The following SDK1 variants were observed in gnomAD, a reference collection of about 807,000 sequenced individuals.
SDK1 encodes sidekick cell adhesion molecule 1.
In SDK1, 157 loss-of-function variants were observed where a neutral mutation model predicts 245.5. The ratio of observed to expected loss-of-function variants is 0.64; its 90% CI spans 0.56 to 0.73. SDK1 has a LOEUF of 0.73. SDK1 is among the 30% of genes least tolerant of loss of function. The probability of loss-of-function intolerance (pLI) is 0.00; values close to 1 mark genes in which losing one functional copy is unlikely to be tolerated. For synonymous variants in SDK1, 1,647 were observed against 1,278.5 expected (o/e 1.29, Z -6.15); for missense variants, 3,583 against 3,002.3 (o/e 1.19, Z -4.52).
At chr7:4,083,355 C>A (rs1298757359) in intron 22 of SDK1, among the ~76,000 whole-genome samples, 1 of 152,080 alleles carries the variant, frequency 6.6e-6, no homozygotes, top group Non-Finnish European at 1.5e-5. Flanking sequence ...CCACTCTTTT[C>A]CCCCATGCAG....
At chr7:3,609,705 A>T (rs879686692) in intron 1 of SDK1, among the ~76,000 whole-genome samples, 1 of 72,636 alleles carries the variant, frequency 1.4e-5, no homozygotes. Context: ...CAGCCTCCCC[A>T]CCCCCCGCCA....
At chr7:4,089,521 CG>C (rs1781656730) in intron 22 of SDK1, among the ~76,000 whole-genome samples, 1 of 152,192 alleles carries the variant, frequency 6.6e-6, no homozygotes, top group East Asian at 1.9e-4. Flanking sequence ...GAAGAATGAA[CG>C]GGGCAAGCTT....
intron 5 of SDK1, among the ~76,000 whole-genome samples, chr7:3,828,487 T>A (rs1347240220): frequency 6.6e-6 from 1 of 151,940 alleles, no homozygotes; most frequent in Non-Finnish European, 1.5e-5. Context: ...TTTCTAGTTT[T>A]TTAAAATATA....
intron 4 of SDK1, among the ~76,000 whole-genome samples, chr7:3,706,488 G>A (rs961337006): frequency 3.3e-5 from 5 of 152,070 alleles, no homozygotes; most frequent in South Asian, 2.1e-4. Flanking sequence ...TACAAGCTCC[G>A]CCTCCTGGGT....
At chr7:4,208,951 C>T (rs900788164) in intron 37 of SDK1, among the ~76,000 whole-genome samples, 3 of 152,236 alleles carry the variant, frequency 2.0e-5, no homozygotes, top group African/African-American at 4.8e-5. Context: ...CTCTCCAAGG[C>T]CCTCTGTAGG....
intron 1 of SDK1, among the ~76,000 whole-genome samples, chr7:3,316,039 A>G (rs767626360): frequency 1.3e-5 from 2 of 152,202 alleles, no homozygotes; most frequent in Non-Finnish European, 2.9e-5. Flanking sequence ...AATTCTCCCC[A>G]CAACTCTAAT....
intron 4 of SDK1, among the ~76,000 whole-genome samples, chr7:3,733,613 A>C (rs1779240231): frequency 6.6e-6 from 1 of 152,124 alleles, no homozygotes; most frequent in South Asian, 2.1e-4. Context: ...CGAGTTCCAA[A>C]AGCTATGTCT....
chr7:3,713,877 C>T (rs1398933596), intron 4 of SDK1, among the ~76,000 whole-genome samples: 1 of 152,124 alleles, frequency 6.6e-6, no homozygotes. Flanking sequence ...AAAAACAAAA[C>T]CGAGAGTCAG....
intron 1 of SDK1, among the ~76,000 whole-genome samples, chr7:3,434,150 T>C (rs2128585559): frequency 1.3e-5 from 2 of 152,284 alleles, no homozygotes; most frequent in Middle Eastern, 6.8e-3. Flanking sequence ...TATTTTGTGA[T>C]GATTTTTTTT....
At chr7:3,580,854 G>C (rs1780456576) in intron 1 of SDK1, among the ~76,000 whole-genome samples, 1 of 151,070 alleles carries the variant, frequency 6.6e-6, no homozygotes, top group African/African-American at 2.4e-5. Flanking sequence ...TGTAGTCCCA[G>C]CTACTCGGGA....
chr7:4,176,524 T>G (rs576643052), intron 34 of SDK1, among the ~76,000 whole-genome samples: 25 of 152,302 alleles, frequency 1.6e-4, no homozygotes, highest in Non-Finnish European at 2.9e-4. Flanking sequence ...TTCTTAACCA[T>G]TTTTAGGTGT....
intron 1 of SDK1, among the ~76,000 whole-genome samples, chr7:3,536,996 A>G (rs911145231): frequency 1.3e-5 from 2 of 152,112 alleles, no homozygotes; most frequent in African/African-American, 2.4e-5. Flanking sequence ...TTTTTAATTG[A>G]AGTATAATTT....
Position 3,485,683 on chromosome 7 carries a change from G to GTTTTTTTTTTTTTTTTTTTTTTTTTTTT in SDK1, c.299-133375_299-133374insTTTTTTTTTTTTTTTTTTTTTTTTTTTT, listed in dbSNP as rs71552309. On this transcript the variant is annotated intron_variant, in intron 1 of 44. Transcript: ENST00000404826. ...GTGCTGAGGGGATGATCTTTGGAGGGTTTTTTTTTTTTTTTTTTTTTTGAG... is the reference window on the plus strand; with the variant it reads ...GTGCTGAGGGGATGATCTTTGGAGGGTTTTTTTTTTTTTTTTTTTTTTTTTTTTTTTTTTTTTTTTTTTTTTTTTTGAG... Among the ~76,000 whole-genome samples the GTTTTTTTTTTTTTTTTTTTTTTTTTTTT allele has an allele frequency of 3.1e-4, 12 of 38,174 alleles. 3 individuals are homozygous for GTTTTTTTTTTTTTTTTTTTTTTTTTTTT. The highest frequency in any genetic ancestry group is 4.6e-4 in the Admixed American group (1 of 2,176). The allele number at this position is 38,174 out of a possible 152,430, so 25.0% of individuals were successfully genotyped here. A position where few individuals can be genotyped will look rare whatever the true frequency, so the allele number is the denominator to read the frequency against.
chr7:4,178,336 G>A, intron 34 of SDK1, 149 bp from the exon 35 acceptor site: 1 of 682,718 alleles, frequency 1.5e-6, no homozygotes, highest in Non-Finnish European at 2.6e-6. Context: ...CCCGGTCACA[G>A]TGGATGCAGG....
chr7:3,792,230 C>A (rs1781118371), intron 4 of SDK1, among the ~76,000 whole-genome samples: 1 of 152,122 alleles, frequency 6.6e-6, no homozygotes, highest in Admixed American at 6.6e-5. Context: ...CACTTCCATG[C>A]CCTAAAATGT....
chr7:3,856,648 A>AG (rs1780554463), intron 5 of SDK1, among the ~76,000 whole-genome samples: 1 of 151,646 alleles, frequency 6.6e-6, no homozygotes, highest in Non-Finnish European at 1.5e-5. Context: ...AAAATTAGCC[A>AG]GGCATGGTGG....
At chr7:4,069,324 A>G (rs10485859) in intron 20 of SDK1, among the ~76,000 whole-genome samples, 11,748 of 152,220 alleles carry the variant, frequency 0.077, 1,026 homozygotes, top group African/African-American at 0.21. Context: ...AAACATTACC[A>G]AGGATTTCTA....
At chr7:3,749,649 A>G (rs1333833898) in intron 4 of SDK1, among the ~76,000 whole-genome samples, 1 of 152,202 alleles carries the variant, frequency 6.6e-6, no homozygotes, top group African/African-American at 2.4e-5. Flanking sequence ...GTTCTGATAC[A>G]AGGATAGAAG....
At chr7:4,013,885 C>T (rs1196888083) in intron 16 of SDK1, among the ~76,000 whole-genome samples, 1 of 152,242 alleles carries the variant, frequency 6.6e-6, no homozygotes, top group East Asian at 1.9e-4. Context: ...TCTGTCCCCT[C>T]GGGGTGGGGG....
Sources: gnomAD v4.1 joint callset for allele counts (sites outside exome capture counted in the v4.1 genomes callset) on GRCh38, gnomAD v4.1.1 for gene constraint, MANE v1.5 for transcripts, NCBI Gene and HGNC (gene_info 2026-07-23, HGNC 2026-07-21) for gene names.